The following PRKG1 variants were observed in gnomAD, a reference collection of about 807,000 sequenced individuals.
PRKG1 encodes the protein protein kinase cGMP-dependent 1.
Under a neutral mutation model 88.1 loss-of-function variants are expected in PRKG1, and 35 were observed. That is an observed-to-expected ratio of 0.40 (90% CI 0.30 to 0.53). The LOEUF (loss-of-function observed/expected upper bound fraction) is 0.53, where lower values mean the gene tolerates loss of function less well. Ranked by LOEUF, PRKG1 falls within the 20% of genes least tolerant of loss-of-function variation. The probability of loss-of-function intolerance (pLI) is 0.59; values close to 1 mark genes in which losing one functional copy is unlikely to be tolerated. For synonymous variants in PRKG1, 303 were observed against 292.5 expected (o/e 1.04, Z -0.37); for missense variants, 540 against 839.8 (o/e 0.64, Z 4.41).
At chr10:51,317,843 T>C (rs1841361856) in intron 2 of PRKG1, among the ~76,000 whole-genome samples, 1 of 152,108 alleles carries the variant, frequency 6.6e-6, no homozygotes, top group African/African-American at 2.4e-5. Flanking sequence ...CCAAAACCTG[T>C]CCCATCTGTT....
chr10:51,518,951 A>C (rs2132073996), intron 3 of PRKG1, among the ~76,000 whole-genome samples: 1 of 152,316 alleles, frequency 6.6e-6, no homozygotes, highest in African/African-American at 2.4e-5. Context: ...TTCATTGTTC[A>C]AAATAAGAAC....
intron 5 of PRKG1, among the ~76,000 whole-genome samples, chr10:52,020,518 T>C (rs1331387504): frequency 2.6e-5 from 4 of 152,154 alleles, no homozygotes; most frequent in Non-Finnish European, 5.9e-5. Flanking sequence ...AGTGGAAGTT[T>C]ATTTAAAAGG....
At chr10:51,711,529 C>T (rs1841751256) in intron 3 of PRKG1, among the ~76,000 whole-genome samples, 1 of 152,172 alleles carries the variant, frequency 6.6e-6, no homozygotes. Context: ...GTGTATGCTT[C>T]CTGTTGTCTA....
At chr10:52,074,402 T>G (rs989170311) in intron 7 of PRKG1, among the ~76,000 whole-genome samples, 1 of 152,208 alleles carries the variant, frequency 6.6e-6, no homozygotes, top group African/African-American at 2.4e-5. Context: ...CTGTCTAAAA[T>G]GTAAGGTCAT....
At chr10:51,783,605 A>G (rs1164256679) in intron 3 of PRKG1, among the ~76,000 whole-genome samples, 4 of 152,020 alleles carry the variant, frequency 2.6e-5, no homozygotes. Flanking sequence ...TTAAATGTGA[A>G]TCCTGGACAA....
chr10:51,119,302 G>C (rs1402666812), intron 1 of PRKG1, among the ~76,000 whole-genome samples: 2 of 151,984 alleles, frequency 1.3e-5, no homozygotes, highest in Non-Finnish European at 2.9e-5. Context: ...ATTGATCTTT[G>C]TGATTTTCAC....
intron 8 of PRKG1, among the ~76,000 whole-genome samples, chr10:52,150,630 G>C (rs187101792): frequency 2.6e-5 from 4 of 152,140 alleles, no homozygotes; most frequent in African/African-American, 9.6e-5. Context: ...CATGTAATGA[G>C]AGCAGAAATA....
intron 3 of PRKG1, among the ~76,000 whole-genome samples, chr10:51,760,694 A>G (rs1426909000): frequency 2.7e-5 from 4 of 150,576 alleles, no homozygotes; most frequent in Admixed American, 6.6e-5. Flanking sequence ...CTGGTCTCGA[A>G]CTCTTGACCT....
Position 52,288,912 on chromosome 10 carries a change from A to C in PRKG1, c.1833-19A>C, listed in dbSNP as rs200171718. The C allele has an allele frequency of 6.3e-7, 1 of 1,599,064 alleles. No homozygotes were observed. The highest frequency in any genetic ancestry group is 1.1e-5 in the South Asian group (1 of 88,378). On this transcript the variant is annotated intron_variant, in intron 15 of 17. Transcript: ENST00000373980. Reference sequence around the variant, plus strand: ...ATGTGAAAAAATTAGATTTAATAAAACCATTATTTTATTTTTAGGGACAAT... The same window carrying C: ...ATGTGAAAAAATTAGATTTAATAAACCCATTATTTTATTTTTAGGGACAAT...
intron 1 of PRKG1, among the ~76,000 whole-genome samples, chr10:51,147,486 G>A (rs146150228): frequency 1.3e-5 from 2 of 151,900 alleles, no homozygotes; most frequent in East Asian, 3.9e-4. Context: ...ATGACATTTG[G>A]GCAAATAAAT....
intron 4 of PRKG1, among the ~76,000 whole-genome samples, chr10:51,835,973 C>A (rs921447088): frequency 6.6e-6 from 1 of 152,116 alleles, no homozygotes; most frequent in Non-Finnish European, 1.5e-5. Context: ...TTTCATTTCT[C>A]TGTGATTAGA....
chr10:51,975,611 T>C (rs1382406803), intron 5 of PRKG1, among the ~76,000 whole-genome samples: 1 of 152,126 alleles, frequency 6.6e-6, no homozygotes, highest in Non-Finnish European at 1.5e-5. Context: ...TATAAGTATG[T>C]TGTTTTGATG....
chr10:52,262,679 C>T (rs1841460996), intron 10 of PRKG1, among the ~76,000 whole-genome samples: 1 of 152,072 alleles, frequency 6.6e-6, no homozygotes, highest in African/African-American at 2.4e-5. Flanking sequence ...CAATCCCCAG[C>T]ATCCATGGGG....
At chr10:51,630,589 A>G (rs1355421756) in intron 3 of PRKG1, among the ~76,000 whole-genome samples, 5 of 152,206 alleles carry the variant, frequency 3.3e-5, no homozygotes, top group Admixed American at 6.5e-5. Flanking sequence ...CGAAAAATGT[A>G]TCTCACAAAA....
At chr10:51,841,312 A>G (rs889648692) in intron 4 of PRKG1, among the ~76,000 whole-genome samples, 1 of 152,206 alleles carries the variant, frequency 6.6e-6, no homozygotes, top group African/African-American at 2.4e-5. Flanking sequence ...GATGAAGAAG[A>G]CATGGTCTAT....
intron 5 of PRKG1, chr10:52,046,766 GC>G (rs1845872283): frequency 6.6e-6 from 1 of 152,084 alleles, no homozygotes. Context: ...AGTGTCAAGT[GC>G]AGTGTCTCAT....
At chr10:51,281,632 G>A (rs1263669046) in intron 2 of PRKG1, among the ~76,000 whole-genome samples, 2 of 152,184 alleles carry the variant, frequency 1.3e-5, no homozygotes, top group Non-Finnish European at 2.9e-5. Flanking sequence ...TGGGGGCGGG[G>A]CATAGCCAAA....
chr10:51,626,465 A>G (rs1019185752), intron 3 of PRKG1, among the ~76,000 whole-genome samples: 2 of 152,180 alleles, frequency 1.3e-5, no homozygotes, highest in Non-Finnish European at 2.9e-5. Context: ...TTTTTTTAAA[A>G]TAATCGTTGA....
At chr10:51,739,321 A>G (rs113014097) in intron 3 of PRKG1, among the ~76,000 whole-genome samples, 87 of 152,252 alleles carry the variant, frequency 5.7e-4, no homozygotes, top group African/African-American at 2.0e-3. Context: ...ACTCCTAGCT[A>G]TATTTCCCTC....
Sources: gnomAD v4.1 joint callset for allele counts (sites outside exome capture counted in the v4.1 genomes callset) on GRCh38, gnomAD v4.1.1 for gene constraint, MANE v1.5 for transcripts, NCBI Gene and HGNC (gene_info 2026-07-23, HGNC 2026-07-21) for gene names.